CSGALNACT2: variants seen among roughly 807,000 people sequenced by gnomAD.
CSGALNACT2 encodes the protein beta 4 GalNAcT-2.
CSGALNACT2 carries 35 observed loss-of-function variants against 55.3 expected under a neutral mutation model. The ratio of observed to expected loss-of-function variants is 0.63; its 90% CI spans 0.48 to 0.84. The LOEUF (loss-of-function observed/expected upper bound fraction) is 0.84, where lower values mean the gene tolerates loss of function less well. CSGALNACT2 is among the 40% of genes least tolerant of loss of function. CSGALNACT2 has a pLI of 0.00. For synonymous variants in CSGALNACT2, 196 were observed against 224.9 expected (o/e 0.87, Z 1.15); for missense variants, 544 against 657.5 (o/e 0.83, Z 1.89).
At position 43,163,521 on chromosome 10, in the gene CSGALNACT2, G is replaced by A. The variant is rs910161231; in HGVS notation, c.981-345G>A. On this transcript the variant is annotated intron_variant, in intron 4 of 7. Transcript: ENST00000374466. Reference sequence around the variant, plus strand: ...TGCAAGAGGAGAGTGATCTTTGTGTGTGTTATCCATTTAGAATGCATTATT... The same window carrying A: ...TGCAAGAGGAGAGTGATCTTTGTGTATGTTATCCATTTAGAATGCATTATT... The A allele has an allele frequency of 6.1e-6, 6 of 985,234 alleles. No individual in the cohort carries two copies. The African/African-American group carries it at 1.0e-4, about 17-fold the overall frequency. 61.0% of individuals were successfully genotyped at this position (985,234 alleles called of 1,614,324 possible). A position where few individuals can be genotyped will look rare whatever the true frequency, so the allele number is the denominator to read the frequency against.
chr10:43,157,631 T>A (rs979786916), intron 2 of CSGALNACT2, among the ~76,000 whole-genome samples: 17 of 152,046 alleles, frequency 1.1e-4, no homozygotes, highest in African/African-American at 4.1e-4. Context: ...CTCAGGAGGG[T>A]TGGGACCAAG....
At chr10:43,142,220 A>G (rs907648577) in intron 1 of CSGALNACT2, among the ~76,000 whole-genome samples, 1 of 150,808 alleles carries the variant, frequency 6.6e-6, no homozygotes. Context: ...TTATTTATTT[A>G]TTTATTTTTG....
chr10:43,157,124 T>G (rs898045272), intron 2 of CSGALNACT2, among the ~76,000 whole-genome samples: 6 of 152,234 alleles, frequency 3.9e-5, no homozygotes, highest in Non-Finnish European at 7.3e-5. Flanking sequence ...AAAACTCTTC[T>G]GATTTTTCTG....
chr10:43,165,142 G>C (rs376733942), intron 5 of CSGALNACT2, among the ~76,000 whole-genome samples: 3 of 151,978 alleles, frequency 2.0e-5, no homozygotes, highest in African/African-American at 7.2e-5. Flanking sequence ...GGAGAATGGC[G>C]TGAGCCCAGG....
chr10:43,174,447 A>G (rs1839441210), intron 6 of CSGALNACT2, among the ~76,000 whole-genome samples: 2 of 152,192 alleles, frequency 1.3e-5, no homozygotes, highest in African/African-American at 2.4e-5. Context: ...CATTATGGCC[A>G]GAACCAACTC....
chr10:43,173,457 T>A (rs1839420697), intron 6 of CSGALNACT2, among the ~76,000 whole-genome samples: 1 of 152,208 alleles, frequency 6.6e-6, no homozygotes, highest in South Asian at 2.1e-4. Flanking sequence ...CAAGAAAATA[T>A]TAACAATAAG....
At chr10:43,145,410 C>CTTTTTTTTTTTTTTTTTT (rs71016727) in intron 1 of CSGALNACT2, among the ~76,000 whole-genome samples, 1 of 99,420 alleles carries the variant, frequency 1.0e-5, no homozygotes, top group Non-Finnish European at 1.9e-5. Context: ...TTGTTTGTTT[C>CTTTTTTTTTTTTTTTTTT]TTTTTTTTTT....
chr10:43,176,554 C>T (rs17363693), intron 7 of CSGALNACT2, among the ~76,000 whole-genome samples: 4,178 of 152,268 alleles, frequency 0.027, 71 homozygotes, highest in Non-Finnish European at 0.042. Flanking sequence ...TTCCCCTAAG[C>T]CTAAAGATGG....
intron 4 of CSGALNACT2, among the ~76,000 whole-genome samples, chr10:43,161,167 A>T (rs1839139920): frequency 6.6e-6 from 1 of 152,240 alleles, no homozygotes; most frequent in South Asian, 2.1e-4. Flanking sequence ...GTACTTAATT[A>T]TTAATTCTTT....
Position 43,155,519 on chromosome 10 carries a change from C to G in CSGALNACT2, c.370C>G (p.Leu124Val). ...AGCACCTAGTGATCTTTTAGAGTTT[C>G]TTCATTCCCAAATTGACAAAGCTGA... ...EQAPSDLLEF[L>V]HSQIDKAEVS... is the part of the protein sequence containing the mutation. Residue 124 changes from leucine to valine, a missense_variant, in exon 2 of 8, where the codon CTT becomes GTT. By Grantham distance (32) the Leu-to-Val change is conservative. Transcript: ENST00000374466. The G allele has an allele frequency of 1.2e-6, 2 of 1,614,204 alleles. No homozygotes were observed. The highest frequency in any genetic ancestry group is 1.7e-6 in the Non-Finnish European group (2 of 1,180,040).
chr10:43,152,154 A>G (rs1340136270), intron 1 of CSGALNACT2, among the ~76,000 whole-genome samples: 2 of 152,178 alleles, frequency 1.3e-5, no homozygotes, highest in Non-Finnish European at 2.9e-5. Context: ...CAAAACACTT[A>G]ACTATCTGCA....
At chr10:43,144,987 C>T (rs1016225556) in intron 1 of CSGALNACT2, among the ~76,000 whole-genome samples, 1 of 152,064 alleles carries the variant, frequency 6.6e-6, no homozygotes, top group African/African-American at 2.4e-5. Context: ...GAGTTTATTC[C>T]TTTTTATTGC....
Position 43,155,784 on chromosome 10 carries a change from T to TATTTAATGAAAATGAC in CSGALNACT2, c.636_651dup (p.Phe218IlefsTer2). On this transcript the variant is annotated frameshift_variant, in exon 2 of 8. Coordinates refer to ENST00000374466, the MANE Select transcript of CSGALNACT2 (RefSeq NM_018590.5). LOFTEE classifies it high-confidence loss of function. ...GAGGGTCCCCTTGGAGAGAAACTGA[T>TATTTAATGAAAATGAC]ATTTAATGAAAATGACTTCGTAGAA... 6.2e-7 allele frequency: 1 copy of TATTTAATGAAAATGAC among 1,608,374 alleles called. No individual in the cohort carries two copies. The highest frequency in any genetic ancestry group is 8.5e-7 in the Non-Finnish European group (1 of 1,177,480).
At chr10:43,157,959 A>G (rs1176057288) in intron 2 of CSGALNACT2, among the ~76,000 whole-genome samples, 3 of 147,118 alleles carry the variant, frequency 2.0e-5, no homozygotes, top group Non-Finnish European at 4.5e-5. Flanking sequence ...AACCCGGGAG[A>G]TGGAGGTTGC....
At chr10:43,179,998 G>T (rs886077455) in intron 7 of CSGALNACT2, among the ~76,000 whole-genome samples, 1 of 152,184 alleles carries the variant, frequency 6.6e-6, no homozygotes, top group Admixed American at 6.5e-5. Context: ...AATCCATGAG[G>T]TTTTGCCCTG....
chr10:43,159,576 A>G (rs930991349), intron 3 of CSGALNACT2, among the ~76,000 whole-genome samples: 1 of 152,242 alleles, frequency 6.6e-6, no homozygotes, highest in African/African-American at 2.4e-5. Context: ...CTTGTGTCTC[A>G]CAAGAAAATC....
intron 1 of CSGALNACT2, among the ~76,000 whole-genome samples, chr10:43,145,410 CT>C (rs71016727): frequency 0.068 from 6,802 of 99,306 alleles, 190 homozygotes; most frequent in South Asian, 0.11. Context: ...TTGTTTGTTT[CT>C]TTTTTTTTTT....
At chr10:43,142,811 G>T (rs1838658691) in intron 1 of CSGALNACT2, among the ~76,000 whole-genome samples, 1 of 152,222 alleles carries the variant, frequency 6.6e-6, no homozygotes, top group Non-Finnish European at 1.5e-5. Flanking sequence ...TAAATGGCAA[G>T]AATTAGCTAT....
chr10:43,179,317 C>T (rs1210115362), intron 7 of CSGALNACT2, among the ~76,000 whole-genome samples: 5 of 143,462 alleles, frequency 3.5e-5, no homozygotes, highest in African/African-American at 5.1e-5. Context: ...ATTTCTTTTT[C>T]GAAAACTAGA....
Sources: allele counts gnomAD v4.1 joint callset (sites outside exome capture counted in the v4.1 genomes callset), GRCh38; gene constraint gnomAD v4.1.1; transcripts MANE v1.5; gene names NCBI Gene and HGNC (gene_info 2026-07-23, HGNC 2026-07-21).